The following CDH12 variants were observed in gnomAD, a reference collection of about 807,000 sequenced individuals.
CDH12 encodes the protein cadherin 12, also known as cadherin-12.
Under a neutral mutation model 74.1 loss-of-function variants are expected in CDH12, and 41 were observed. The ratio of observed to expected loss-of-function variants is 0.55; its 90% CI spans 0.43 to 0.72. The LOEUF (loss-of-function observed/expected upper bound fraction) is 0.72. Among genes scored for constraint, CDH12 ranks in the 30% least tolerant of loss-of-function variants. CDH12 has a pLI of 0.00. For synonymous variants in CDH12, 399 were observed against 355.0 expected, an observed-to-expected ratio of 1.12 and a Z score of -1.39; for missense variants, 945 against 977.2, an observed-to-expected ratio of 0.97 and a Z score of 0.44.
intron 5 of CDH12, among the ~76,000 whole-genome samples, chr5:21,987,641 T>G (rs2150132531): frequency 6.6e-6 from 1 of 152,352 alleles, no homozygotes; most frequent in South Asian, 2.1e-4. Flanking sequence ...TATTTATTTC[T>G]GACTGATACT....
intron 3 of CDH12, among the ~76,000 whole-genome samples, chr5:22,317,724 C>T (rs1738691642): frequency 6.6e-6 from 1 of 152,098 alleles, no homozygotes; most frequent in South Asian, 2.1e-4. Context: ...ATACTTCTTG[C>T]TCATGTCATA....
intron 1 of CDH12, among the ~76,000 whole-genome samples, chr5:22,723,712 T>C (rs116034051): frequency 6.3e-4 from 96 of 152,178 alleles, no homozygotes; most frequent in African/African-American, 2.3e-3. Flanking sequence ...CCCTCCTGTT[T>C]TCTAAAGATT....
At chr5:22,090,496 A>C (rs1306959287) in intron 4 of CDH12, among the ~76,000 whole-genome samples, 1 of 151,628 alleles carries the variant, frequency 6.6e-6, no homozygotes, top group African/African-American at 2.4e-5. Flanking sequence ...CTCAAAAAAA[A>C]AAAAAAGAAG....
rs578261491 is a variant in CDH12, at chr5:21,790,232, A to G, written c.1257-6738T>C. Among the ~76,000 whole-genome samples the G allele has an allele frequency of 4.6e-5, 7 of 152,254 alleles. No individual in the cohort carries two copies. The East Asian group carries it at 1.2e-3, about 25-fold the overall frequency. ...CTAACTTCATACAGTGAATCACCAC[A>G]TATACAGGTTATGTTTAAATGTAAT... On this transcript the variant is annotated intron_variant, in intron 10 of 14. Coordinates refer to ENST00000382254, the MANE Select transcript of CDH12 (RefSeq NM_004061.5).
At chr5:22,677,927 TAG>T (rs1287515947) in intron 1 of CDH12, among the ~76,000 whole-genome samples, 1 of 151,792 alleles carries the variant, frequency 6.6e-6, no homozygotes, top group Non-Finnish European at 1.5e-5. Flanking sequence ...TTGTTGGAAG[TAG>T]AGAGTGTGTG....
At chr5:21,791,647 C>A (rs1406270047) in intron 10 of CDH12, among the ~76,000 whole-genome samples, 1 of 150,110 alleles carries the variant, frequency 6.7e-6, no homozygotes, top group Non-Finnish European at 1.5e-5. Flanking sequence ...ATAAAATAAA[C>A]CTAATTTCAT....
chr5:22,587,687 C>G (rs796523381), intron 1 of CDH12, among the ~76,000 whole-genome samples: 1 of 152,118 alleles, frequency 6.6e-6, no homozygotes, highest in South Asian at 2.1e-4. Flanking sequence ...CAACTAACAA[C>G]TGTCCCTTTA....
chr5:22,019,893 A>G (rs913533433), intron 5 of CDH12, among the ~76,000 whole-genome samples: 1 of 152,168 alleles, frequency 6.6e-6, no homozygotes, highest in Non-Finnish European at 1.5e-5. Context: ...GTGAAATCAA[A>G]ATCTTCCAAG....
chr5:22,594,099 A>C (rs1736478490), intron 1 of CDH12, among the ~76,000 whole-genome samples: 1 of 152,206 alleles, frequency 6.6e-6, no homozygotes, highest in African/African-American at 2.4e-5. Context: ...CCTGATACCC[A>C]AAAAGGAAAA....
intron 1 of CDH12, among the ~76,000 whole-genome samples, chr5:22,677,079 G>C (rs1369319735): frequency 1.3e-5 from 2 of 152,154 alleles, no homozygotes; most frequent in Non-Finnish European, 2.9e-5. Flanking sequence ...AATGGCAGCT[G>C]AGTGCTGCTG....
intron 5 of CDH12, among the ~76,000 whole-genome samples, chr5:22,077,458 T>A (rs1742406523): frequency 6.6e-6 from 1 of 152,166 alleles, no homozygotes; most frequent in Non-Finnish European, 1.5e-5. Context: ...TCAAGAGTCA[T>A]GATCTTCTAT....
chr5:22,840,240 T>C (rs532537654), intron 1 of CDH12, among the ~76,000 whole-genome samples: 49 of 152,056 alleles, frequency 3.2e-4, no homozygotes, highest in Middle Eastern at 3.4e-3. Flanking sequence ...CCTGCCTCAG[T>C]CTCTGGAATA....
chr5:21,774,806 G>T (rs1028503442), intron 11 of CDH12, among the ~76,000 whole-genome samples: 3 of 152,154 alleles, frequency 2.0e-5, no homozygotes, highest in Non-Finnish European at 4.4e-5. Flanking sequence ...CATCAATTTG[G>T]AATTGAAACC....
At chr5:22,729,735 C>A (rs1744336847) in intron 1 of CDH12, among the ~76,000 whole-genome samples, 1 of 151,830 alleles carries the variant, frequency 6.6e-6, no homozygotes, top group Non-Finnish European at 1.5e-5. Flanking sequence ...AAAAGTTTGT[C>A]TTGTAGTTTT....
At chr5:22,374,932 T>C (rs182198978) in intron 3 of CDH12, among the ~76,000 whole-genome samples, 4 of 151,976 alleles carry the variant, frequency 2.6e-5, no homozygotes, top group Admixed American at 2.6e-4. Context: ...ATCAACATCA[T>C]TTTTCACAGA....
At chr5:22,194,489 G>T (rs1242357517) in intron 4 of CDH12, among the ~76,000 whole-genome samples, 1 of 151,594 alleles carries the variant, frequency 6.6e-6, no homozygotes, top group Admixed American at 6.6e-5. Flanking sequence ...CCGCCCCCAT[G>T]CCCGCCTAAT....
At chr5:22,293,206 G>A (rs548817665) in intron 3 of CDH12, among the ~76,000 whole-genome samples, 9 of 152,208 alleles carry the variant, frequency 5.9e-5, no homozygotes, top group African/African-American at 1.7e-4. Context: ...TAGATTGTGC[G>A]GTCTGACCCC....
intron 5 of CDH12, among the ~76,000 whole-genome samples, chr5:22,076,076 C>A (rs1313567034): frequency 6.6e-6 from 1 of 151,998 alleles, no homozygotes; most frequent in Non-Finnish European, 1.5e-5. Flanking sequence ...CCTTGGCATC[C>A]ACTCTTTCAT....
chr5:22,815,178 G>T (rs538178951), intron 1 of CDH12, among the ~76,000 whole-genome samples: 1 of 152,092 alleles, frequency 6.6e-6, no homozygotes, highest in African/African-American at 2.4e-5. Context: ...GGGACAAGAT[G>T]TAACTCACCA....
Sources: gnomAD v4.1 joint callset for allele counts (sites outside exome capture counted in the v4.1 genomes callset) on GRCh38, gnomAD v4.1.1 for gene constraint, MANE v1.5 for transcripts, NCBI Gene and HGNC (gene_info 2026-07-23, HGNC 2026-07-21) for gene names.